Variants in AFDN observed in about 807,000 individuals in gnomAD.
AFDN encodes afadin, adherens junction formation factor.
A neutral mutation model predicts 216.6 loss-of-function variants in AFDN; 68 were observed. That is an observed-to-expected ratio of 0.31 (90% CI 0.26 to 0.38). The LOEUF is 0.38. Ranked by LOEUF, AFDN falls within the 10% of genes least tolerant of loss-of-function variation. The pLI, the probability that AFDN is intolerant of heterozygous loss-of-function variation, is 1.00. For synonymous variants in AFDN, 868 were observed against 853.7 expected (o/e 1.02, Z -0.29); for missense variants, 2,136 against 2,342.0 (o/e 0.91, Z 1.82).
chr6:167,946,619 T>C (rs1027257577), intron 26 of AFDN, 88 bp from the exon 27 acceptor site: 3 of 1,195,780 alleles, frequency 2.5e-6, no homozygotes, highest in Non-Finnish European at 3.6e-6. Flanking sequence ...TTATTTCTTA[T>C]GCTAAGAACA....
chr6:167,918,874 A>G lies in AFDN; in HGVS notation c.2849A>G (p.Asp950Gly). The change falls in exon 21 of 34, where the codon GAT (aspartate) becomes GGT (glycine). Residue 950 changes from aspartate (D) to glycine (G), a missense_variant. Asp to Gly is a moderately conservative substitution (Grantham distance 94). Transcript: ENST00000683244. ...TTGCCAGAAGATGGTTATTCTTGTGATGTTGTCAGAAACATTCCAAATGGT... is the reference window on the plus strand; with the variant it reads ...TTGCCAGAAGATGGTTATTCTTGTGGTGTTGTCAGAAACATTCCAAATGGT... Reference protein sequence around the residue: ...FLLPEDGYSCDVVRNIPNGLQ... With the variant: ...FLLPEDGYSCGVVRNIPNGLQ... 2 of 1,613,844 alleles carry G rather than the reference A, an allele frequency of 1.2e-6. No homozygotes were observed. The highest frequency in any genetic ancestry group is 8.5e-7 in the Non-Finnish European group (1 of 1,179,930).
chr6:167,826,807 TGCGGCGGCGCCGCGCGGG>T (rs1216489198), upstream of AFDN: 208 of 144,226 alleles, frequency 1.4e-3, 1 homozygote, highest in Admixed American at 2.7e-3. Context: ...GGCCCGGAGG[TGCGGCGGCGCCGCGCGGG>T]GCGGCGGCGC....
chr6:167,836,381 T>A (rs879773341), intron 1 of AFDN, among the ~76,000 whole-genome samples: 7 of 152,240 alleles, frequency 4.6e-5, no homozygotes, highest in Non-Finnish European at 8.8e-5. Context: ...ATCGGCTGTG[T>A]AAAGACGTCT....
At chr6:167,940,150 GACTT>G (rs1354739807) in intron 23 of AFDN, among the ~76,000 whole-genome samples, 1 of 152,244 alleles carries the variant, frequency 6.6e-6, no homozygotes, top group Non-Finnish European at 1.5e-5. Flanking sequence ...CTGGGCTGGA[GACTT>G]GCATTGAGGT....
At chr6:167,937,340 A>G (rs191562161) in intron 23 of AFDN, among the ~76,000 whole-genome samples, 57 of 152,310 alleles carry the variant, frequency 3.7e-4, no homozygotes, top group Non-Finnish European at 6.2e-4. Context: ...TTCCATTTTT[A>G]TGATCAACCT....
chr6:167,935,888 G>A (rs1328613811), intron 23 of AFDN, among the ~76,000 whole-genome samples: 3 of 151,358 alleles, frequency 2.0e-5, no homozygotes, highest in Non-Finnish European at 4.4e-5. Flanking sequence ...TAAATGTGTT[G>A]CTAGTACCTA....
In AFDN at chr6:167,941,924, G is replaced by A. The variant is rs1450922967; in HGVS notation, c.3100-1205G>A. On this transcript the variant is annotated intron_variant, in intron 23 of 33. Transcript: ENST00000683244. Reference sequence around the variant, plus strand: ...TTTATAAACTTAGTTGCCAGATAATGTAACCCATGAAATTTGAAGTATATA... The same window carrying A: ...TTTATAAACTTAGTTGCCAGATAATATAACCCATGAAATTTGAAGTATATA... 2.0e-5 allele frequency among the ~76,000 whole-genome samples: 3 copies of A among 152,354 alleles called. No homozygotes were observed. The East Asian group carries it at 5.8e-4, about 29-fold the overall frequency.
In AFDN at chr6:167,918,511, A is replaced by G. The variant is rs145312554; in HGVS notation, c.2710-224A>G. On this transcript the variant is annotated intron_variant, in intron 20 of 33. Transcript: ENST00000683244. The stretch of plus-strand genomic sequence containing the variant: ...AAATTAGTAATTAAAATCTTGGTTC[A>G]TCTATAAAATGTGTGCGGCCCAGAG... Among the ~76,000 whole-genome samples the G allele has an allele frequency of 6.6e-5, 10 of 152,310 alleles. No individual in the cohort carries two copies. In the East Asian group the frequency reaches 1.7e-3, roughly 26 times the overall value.
At chr6:167,893,786 A>G (rs1328069548) in intron 8 of AFDN, 76 bp from the exon 9 acceptor site, 11 of 1,125,880 alleles carry the variant, frequency 9.8e-6, no homozygotes, top group African/African-American at 1.5e-5. Flanking sequence ...CTCCTTCCCT[A>G]TTCCGCGTGT....
intron 9 of AFDN, among the ~76,000 whole-genome samples, chr6:167,894,304 G>T (rs1337803681): frequency 1.3e-5 from 2 of 152,186 alleles, no homozygotes; most frequent in Admixed American, 1.3e-4. Flanking sequence ...ACTGTCTGTT[G>T]TGGGGTTACT....
intron 31 of AFDN, chr6:167,964,895 CTT>C (rs551078427): frequency 4.7e-6 from 5 of 1,063,476 alleles, no homozygotes; most frequent in Non-Finnish European, 5.7e-6. Context: ...TTTTGTCAAT[CTT>C]TAACAAAACT....
intron 23 of AFDN, among the ~76,000 whole-genome samples, chr6:167,926,244 T>C (rs1792512337): frequency 6.6e-6 from 1 of 152,170 alleles, no homozygotes; most frequent in South Asian, 2.1e-4. Flanking sequence ...TTGTGAAGGG[T>C]CCGTTTGAAA....
At chr6:167,847,857 TCC>T (rs1781872841) in intron 1 of AFDN, among the ~76,000 whole-genome samples, 1 of 152,078 alleles carries the variant, frequency 6.6e-6, no homozygotes, top group Non-Finnish European at 1.5e-5. Flanking sequence ...CTATTCAGAC[TCC>T]CCAATTTTTT....
intron 10 of AFDN, among the ~76,000 whole-genome samples, chr6:167,897,979 C>T (rs1437650054): frequency 6.6e-6 from 1 of 151,962 alleles, no homozygotes; most frequent in Non-Finnish European, 1.5e-5. Context: ...TACAGTATGC[C>T]TTAAGTCACT....
intron 4 of AFDN, among the ~76,000 whole-genome samples, chr6:167,873,951 T>TA (rs1163117410): frequency 3.3e-5 from 5 of 152,228 alleles, no homozygotes; most frequent in African/African-American, 7.2e-5. Flanking sequence ...GGGGTTTAGA[T>TA]ATGAATCTAC....
At chr6:167,943,309 C>A in intron 24 of AFDN, 93 bp from the exon 25 acceptor site, 1 of 1,432,810 alleles carries the variant, frequency 7.0e-7, no homozygotes, top group Non-Finnish European at 9.8e-7. Flanking sequence ...GTTGGAAGAA[C>A]AAATAGAGTA....
rs370021702 is a variant in AFDN at position 167,965,816 on chromosome 6, C to T, written c.5028C>T (p.Asp1676=). The T allele has an allele frequency of 3.1e-5, 48 of 1,561,470 alleles. No individual in the cohort carries two copies. The highest frequency in any genetic ancestry group is 3.8e-5 in the Admixed American group (2 of 52,654). The change falls in exon 32 of 34, where the codon GAC becomes GAT. Residue 1676 remains aspartate (D), a synonymous_variant. Coordinates refer to ENST00000683244, the MANE Select transcript of AFDN (RefSeq NM_001386888.1). ...AAGCCGAGAGGCGCAGACAGCACGACGAGGCGGCGCGCAGGTTGCTGGAGC... is the reference window on the plus strand; with the variant it reads ...AAGCCGAGAGGCGCAGACAGCACGATGAGGCGGCGCGCAGGTTGCTGGAGC... ...RLEAERRRQH[D]EAARRLLEPE...
intron 1 of AFDN, among the ~76,000 whole-genome samples, chr6:167,852,831 G>C (rs1782469041): frequency 6.6e-6 from 1 of 152,076 alleles, no homozygotes; most frequent in Admixed American, 6.6e-5. Flanking sequence ...AGTAACTTGA[G>C]GTCATTTCTG....
At chr6:167,937,248 A>C (rs1794126543) in intron 23 of AFDN, among the ~76,000 whole-genome samples, 1 of 152,236 alleles carries the variant, frequency 6.6e-6, no homozygotes, top group African/African-American at 2.4e-5. Context: ...CGTATTCTTT[A>C]CTTGCACATT....
Sources: gnomAD v4.1 joint callset for allele counts (sites outside exome capture counted in the v4.1 genomes callset) on GRCh38, gnomAD v4.1.1 for gene constraint, MANE v1.5 for transcripts, NCBI Gene and HGNC (gene_info 2026-07-23, HGNC 2026-07-21) for gene names.